Variants in POFUT3 observed in about 807,000 individuals in gnomAD.
POFUT3 encodes GDP-fucose protein O-fucosyltransferase 3.
At chr8:33,395,886 G>A in the POFUT3 span, among the ~76,000 whole-genome samples, 1 of 152,074 alleles carries the variant, frequency 6.6e-6, no homozygotes. Context: ...GAGCATGGAG[G>A]CCAAGTAAAC....
the POFUT3 span, among the ~76,000 whole-genome samples, chr8:33,385,260 C>A: frequency 6.6e-6 from 1 of 152,146 alleles, no homozygotes; most frequent in Non-Finnish European, 1.5e-5. Flanking sequence ...AAGGGGCATT[C>A]TTTTCCATTA....
At chr8:33,436,623 C>T in the POFUT3 span, 1 of 888,996 alleles carries the variant, frequency 1.1e-6, no homozygotes, top group Non-Finnish European at 1.9e-6. Flanking sequence ...CCAGCACCTT[C>T]CCATACTGCT....
At chr8:33,418,112 G>A in the POFUT3 span, among the ~76,000 whole-genome samples, 1 of 152,142 alleles carries the variant, frequency 6.6e-6, no homozygotes, top group East Asian at 1.9e-4. Flanking sequence ...GCCCCCAGCA[G>A]ACTGCATCCT....
the POFUT3 span, among the ~76,000 whole-genome samples, chr8:33,332,648 A>G: frequency 2.6e-5 from 4 of 152,182 alleles, no homozygotes; most frequent in African/African-American, 9.7e-5. Context: ...TCTAAGCAAC[A>G]ATTTTTTCAT....
At chr8:33,353,155 A>C in the POFUT3 span, among the ~76,000 whole-genome samples, 1 of 152,238 alleles carries the variant, frequency 6.6e-6, no homozygotes, top group African/African-American at 2.4e-5. Flanking sequence ...TGGTTAATAC[A>C]TGAATGGTGC....
the POFUT3 span, among the ~76,000 whole-genome samples, chr8:33,404,896 C>T: frequency 6.7e-6 from 1 of 150,336 alleles, no homozygotes; most frequent in South Asian, 2.1e-4. Flanking sequence ...ATCACAACAA[C>T]AACAAAAAAA....
At chr8:33,465,405 T>TATATATATATATATATATAC in the POFUT3 span, among the ~76,000 whole-genome samples, 1 of 139,602 alleles carries the variant, frequency 7.2e-6, no homozygotes, top group African/African-American at 2.7e-5. Context: ...TATATATATA[T>TATATATATATATATATATAC]ACACACATAC....
chr8:33,318,616 TATATATTTATATAATATATAA>T, the POFUT3 span, among the ~76,000 whole-genome samples: 73 of 90,076 alleles, frequency 8.1e-4, no homozygotes, highest in African/African-American at 4.1e-3. Context: ...ATATATTGTA[TATATATTTATATAATATATAA>T]ATATATTGTA....
chr8:33,395,154 G>A, the POFUT3 span, among the ~76,000 whole-genome samples: 1 of 152,200 alleles, frequency 6.6e-6, no homozygotes, highest in Admixed American at 6.5e-5. Context: ...ATACTGGGTA[G>A]AAGAGGGTGG....
the POFUT3 span, among the ~76,000 whole-genome samples, chr8:33,380,165 A>ATATATATATACTATATATATATAC: frequency 4.2e-5 from 2 of 47,552 alleles, no homozygotes; most frequent in African/African-American, 1.1e-4. Flanking sequence ...TATATATACT[A>ATATATATATACTATATATATATAC]TATATATATA....
At chr8:33,427,535 C>T in the POFUT3 span, among the ~76,000 whole-genome samples, 9 of 151,812 alleles carry the variant, frequency 5.9e-5, 1 homozygote, top group African/African-American at 1.7e-4. Flanking sequence ...GCCAAGATCA[C>T]GCCATTGCAC....
the POFUT3 span, among the ~76,000 whole-genome samples, chr8:33,323,254 T>A: frequency 2.0e-5 from 3 of 152,192 alleles, no homozygotes; most frequent in Non-Finnish European, 4.4e-5. Flanking sequence ...GTATGTTTCA[T>A]GTCTGCAAAC....
the POFUT3 span, among the ~76,000 whole-genome samples, chr8:33,369,047 A>G: frequency 2.8e-4 from 42 of 152,220 alleles, no homozygotes; most frequent in African/African-American, 8.9e-4. Flanking sequence ...GTACCACCCC[A>G]GGTACTATCA....
chr8:33,461,325 T>C, the POFUT3 span: 12 of 1,556,020 alleles, frequency 7.7e-6, no homozygotes, highest in Non-Finnish European at 1.0e-5. Context: ...TAGGGGGACA[T>C]GGCAAAGGCC....
chr8:33,351,941 T>G, the POFUT3 span, among the ~76,000 whole-genome samples: 1 of 152,196 alleles, frequency 6.6e-6, no homozygotes, highest in African/African-American at 2.4e-5. Context: ...TTCACTTCAT[T>G]CTACATGTGA....
the POFUT3 span, among the ~76,000 whole-genome samples, chr8:33,375,755 T>G: frequency 2.6e-5 from 4 of 151,950 alleles, no homozygotes; most frequent in Non-Finnish European, 5.9e-5. Context: ...GGTGGCTCAT[T>G]CCTGTAATCC....
chr8:33,384,347 G>A, the POFUT3 span, among the ~76,000 whole-genome samples: 2 of 152,150 alleles, frequency 1.3e-5, no homozygotes, highest in African/African-American at 4.8e-5. Context: ...TTCTGATAAG[G>A]CACAATTCCT....
At chr8:33,371,572 C>T in the POFUT3 span, 1 of 152,316 alleles carries the variant, frequency 6.6e-6, no homozygotes, top group East Asian at 1.9e-4. Flanking sequence ...GAAACCTCCC[C>T]TCCCTCACAT....
chr8:33,423,818 TAAAA>T, the POFUT3 span, among the ~76,000 whole-genome samples: 6 of 70,136 alleles, frequency 8.6e-5, no homozygotes, highest in Admixed American at 7.3e-4. Context: ...GCACACCAAG[TAAAA>T]AAAAAAAAAA....
Sources: gnomAD v4.1 joint callset for allele counts (sites outside exome capture counted in the v4.1 genomes callset) on GRCh38, gnomAD v4.1.1 for gene constraint, MANE v1.5 for transcripts, NCBI Gene and HGNC (gene_info 2026-07-23, HGNC 2026-07-21) for gene names.